MYO1B: variants seen among roughly 807,000 people sequenced by gnomAD.
MYO1B encodes unconventional myosin-Ib.
A neutral mutation model predicts 159.7 loss-of-function variants in MYO1B; 72 were observed. The ratio of observed to expected loss-of-function variants is 0.45; its 90% CI spans 0.37 to 0.55. The LOEUF (loss-of-function observed/expected upper bound fraction) is 0.55. Among genes scored for constraint, MYO1B ranks in the 20% least tolerant of loss-of-function variants. The pLI is 0.00. For synonymous variants in MYO1B, 468 were observed against 473.8 expected, an observed-to-expected ratio of 0.99 and a Z score of 0.16; for missense variants, 1,062 against 1,364.8, an observed-to-expected ratio of 0.78 and a Z score of 3.50.
intron 3 of MYO1B, among the ~76,000 whole-genome samples, chr2:191,312,806 G>A (rs1690085994): frequency 6.6e-6 from 1 of 152,136 alleles, no homozygotes; most frequent in Admixed American, 6.5e-5. Context: ...GCTCATCTTG[G>A]GCATGCCCTG....
intron 29 of MYO1B, among the ~76,000 whole-genome samples, chr2:191,415,527 G>T (rs1022893390): frequency 6.6e-5 from 10 of 151,650 alleles, no homozygotes; most frequent in African/African-American, 1.7e-4. Flanking sequence ...CTGATGCCCA[G>T]GCCATACCCC....
chr2:191,305,799 C>T (rs1382207497), intron 3 of MYO1B, among the ~76,000 whole-genome samples: 1 of 152,038 alleles, frequency 6.6e-6, no homozygotes, highest in African/African-American at 2.4e-5. Flanking sequence ...GTGTGGTCCC[C>T]TGGGAAATGG....
intron 21 of MYO1B, among the ~76,000 whole-genome samples, chr2:191,397,224 T>TG (rs1696168279): frequency 6.8e-6 from 1 of 148,084 alleles, no homozygotes; most frequent in Non-Finnish European, 1.5e-5. Flanking sequence ...TGACCATTCT[T>TG]GGGTGTTTCT....
chr2:191,300,934 G>A (rs1218277383), intron 3 of MYO1B, among the ~76,000 whole-genome samples: 1 of 151,964 alleles, frequency 6.6e-6, no homozygotes, highest in Non-Finnish European at 1.5e-5. Context: ...CTTTCAGATC[G>A]TGGAAATGTA....
intron 20 of MYO1B, among the ~76,000 whole-genome samples, chr2:191,395,102 A>T (rs540901041): frequency 6.6e-6 from 1 of 152,316 alleles, no homozygotes; most frequent in South Asian, 2.1e-4. Context: ...TTTCCTAGAG[A>T]TGAATTTTCA....
chr2:191,393,284 T>A, intron 20 of MYO1B, 62 bp downstream of exon 20: 1 of 1,555,468 alleles, frequency 6.4e-7, no homozygotes, highest in Non-Finnish European at 8.8e-7. Context: ...ATTTATTATG[T>A]ACTTACCATG....
intron 2 of MYO1B, among the ~76,000 whole-genome samples, chr2:191,287,150 G>A (rs1253603149): frequency 1.3e-5 from 2 of 152,060 alleles, no homozygotes; most frequent in Non-Finnish European, 2.9e-5. Flanking sequence ...TGTGGGTCAG[G>A]TGCTGTGTTT....
chr2:191,261,538 G>A (rs770523922), intron 1 of MYO1B, among the ~76,000 whole-genome samples: 4 of 152,150 alleles, frequency 2.6e-5, no homozygotes, highest in Non-Finnish European at 4.4e-5. Context: ...TGCTCCATTT[G>A]TCCTTAACCT....
intron 26 of MYO1B, among the ~76,000 whole-genome samples, chr2:191,409,550 T>C (rs996032942): frequency 2.0e-5 from 3 of 152,350 alleles, no homozygotes; most frequent in Admixed American, 2.0e-4. Context: ...GCAACATAGT[T>C]AAATCCTGCA....
In MYO1B at chr2:191,328,534, G is replaced by A. The variant is rs1261436717; in HGVS notation, c.252-1401G>A. ...CTTTGCTTTGTGCTGGTCTTGTTGT[G>A]AGATTTAAAATGACTAAACGTAAAG... On this transcript the variant is annotated intron_variant, in intron 3 of 30. Coordinates refer to ENST00000392318, the MANE Select transcript of MYO1B (RefSeq NM_001130158.3). 7.2e-5 allele frequency among the ~76,000 whole-genome samples: 11 copies of A among 152,214 alleles called. No individual in the cohort carries two copies. In the East Asian group the frequency reaches 2.1e-3, roughly 29 times the overall value.
chr2:191,268,161 G>A (rs185900102), intron 1 of MYO1B, among the ~76,000 whole-genome samples: 5 of 152,314 alleles, frequency 3.3e-5, no homozygotes, highest in African/African-American at 4.8e-5. Flanking sequence ...ACCATGGACC[G>A]GGTGGCTTAA....
At chr2:191,317,159 G>A (rs1005603197) in intron 3 of MYO1B, among the ~76,000 whole-genome samples, 3 of 152,160 alleles carry the variant, frequency 2.0e-5, no homozygotes, top group Non-Finnish European at 2.9e-5. Context: ...CAGGTGCAGC[G>A]TCGTTTTTAT....
At chr2:191,300,375 G>A (rs1448917743) in intron 3 of MYO1B, among the ~76,000 whole-genome samples, 1 of 144,718 alleles carries the variant, frequency 6.9e-6, no homozygotes, top group Non-Finnish European at 1.5e-5. Context: ...AGTCTCGCTC[G>A]CTCTGTCGCC....
intron 2 of MYO1B, among the ~76,000 whole-genome samples, chr2:191,277,772 T>C (rs1018233270): frequency 6.6e-6 from 1 of 152,214 alleles, no homozygotes; most frequent in Admixed American, 6.5e-5. Flanking sequence ...TCCCTGTACC[T>C]GCAGCTGAGA....
At chr2:191,374,330 A>AT (rs1009115765) in intron 13 of MYO1B, among the ~76,000 whole-genome samples, 3 of 152,108 alleles carry the variant, frequency 2.0e-5, no homozygotes, top group Non-Finnish European at 4.4e-5. Flanking sequence ...GATAACATGT[A>AT]TTTTTTTATT....
At chr2:191,339,564 G>A (rs1432263463) in intron 4 of MYO1B, among the ~76,000 whole-genome samples, 6 of 152,190 alleles carry the variant, frequency 3.9e-5, no homozygotes, top group Non-Finnish European at 8.8e-5. Context: ...AGTCTTTAAA[G>A]GGAGACAGCA....
rs377564433 is a variant in MYO1B, at chr2:191,247,474, A to G, written c.-10+1848A>G. Among the ~76,000 whole-genome samples, 4 of 152,162 alleles carry G rather than the reference A, an allele frequency of 2.6e-5. No individual in the cohort carries two copies. In the East Asian group the frequency reaches 5.8e-4, roughly 22 times the overall value. On this transcript the variant is annotated intron_variant, in intron 1 of 30. Coordinates refer to ENST00000392318, the MANE Select transcript of MYO1B (RefSeq NM_001130158.3). ...GTCTTTTTCGTGGGGGATGTGGTCAAATTTTCAGGCCAGGCTGAAAAGCAC... is the reference window on the plus strand; with the variant it reads ...GTCTTTTTCGTGGGGGATGTGGTCAGATTTTCAGGCCAGGCTGAAAAGCAC...
At chr2:191,422,287 C>T (rs934260784) in intron 30 of MYO1B, among the ~76,000 whole-genome samples, 2 of 152,146 alleles carry the variant, frequency 1.3e-5, no homozygotes, top group African/African-American at 2.4e-5. Context: ...ACTGGAAGAC[C>T]TGGTTTCTGG....
chr2:191,362,362 A>G lies in MYO1B; in HGVS notation c.756A>G (p.Arg252=), dbSNP rs1290757116. ...VNGVDDAANF[R]TVRNAMQIVG... The stretch of plus-strand genomic sequence containing the variant: ...GAGTGGATGATGCAGCAAATTTTAG[A>G]ACCGTGCGGGTAAGATGTAGTACTT... Residue 252 remains arginine, a synonymous_variant, in exon 9 of 31, where the codon AGA becomes AGG. Coordinates refer to ENST00000392318, the MANE Select transcript of MYO1B (RefSeq NM_001130158.3). 3.7e-6 allele frequency: 6 copies of G among 1,613,382 alleles called. No homozygotes were observed. Among genetic ancestry groups the G allele is most frequent in the Non-Finnish European group, 5.1e-6 (6 of 1,179,540 alleles).
Sources: gnomAD v4.1 joint callset for allele counts (sites outside exome capture counted in the v4.1 genomes callset) on GRCh38, gnomAD v4.1.1 for gene constraint, MANE v1.5 for transcripts, NCBI Gene and HGNC (gene_info 2026-07-23, HGNC 2026-07-21) for gene names.